TRAPPC9: variants seen among roughly 807,000 people sequenced by gnomAD.
The protein encoded by TRAPPC9 is trafficking protein particle complex subunit 9.
In TRAPPC9, 83 loss-of-function variants were observed where a neutral mutation model predicts 124.0. That is an observed-to-expected ratio of 0.67 (90% CI 0.56 to 0.80). TRAPPC9 has a LOEUF of 0.80. Ranked by LOEUF, TRAPPC9 falls within the 30% of genes least tolerant of loss-of-function variation. The pLI, the probability that TRAPPC9 is intolerant of heterozygous loss-of-function variation, is 0.00. For synonymous variants in TRAPPC9, 638 were observed against 617.5 expected, an observed-to-expected ratio of 1.03 and a Z score of -0.49; for missense variants, 1,302 against 1,508.3, an observed-to-expected ratio of 0.86 and a Z score of 2.27.
intron 7 of TRAPPC9, among the ~76,000 whole-genome samples, chr8:140,394,247 T>C (rs2069021958): frequency 6.6e-6 from 1 of 152,180 alleles, no homozygotes; most frequent in African/African-American, 2.4e-5. Flanking sequence ...AACCAAATTG[T>C]CTGCAATTCC....
chr8:140,207,104 G>A (rs893988037), intron 17 of TRAPPC9, among the ~76,000 whole-genome samples: 12 of 152,296 alleles, frequency 7.9e-5, no homozygotes, highest in East Asian at 5.8e-4. Context: ...CTCAGGAAGC[G>A]GAGCATTCCC....
At chr8:140,453,804 C>G (rs3115825) in intron 1 of TRAPPC9, among the ~76,000 whole-genome samples, 84,450 of 151,882 alleles carry the variant, frequency 0.56, 23,669 homozygotes, top group Non-Finnish European at 0.57. Context: ...GAACCAAAAT[C>G]ACATCACCTT....
At chr8:140,388,466 CT>C (rs1369991598) in intron 7 of TRAPPC9, among the ~76,000 whole-genome samples, 1 of 151,980 alleles carries the variant, frequency 6.6e-6, no homozygotes, top group African/African-American at 2.4e-5. Context: ...GGCGGATCAC[CT>C]GAAGTTGGGA....
intron 7 of TRAPPC9, among the ~76,000 whole-genome samples, chr8:140,378,015 G>A (rs1012509274): frequency 1.3e-5 from 2 of 152,192 alleles, no homozygotes; most frequent in African/African-American, 4.8e-5. Flanking sequence ...GGCAAAGGCA[G>A]TGTATTTGGG....
chr8:139,923,551 A>C (rs1249915622), intron 19 of TRAPPC9, among the ~76,000 whole-genome samples: 2 of 151,602 alleles, frequency 1.3e-5, no homozygotes, highest in Non-Finnish European at 2.9e-5. Context: ...CCCCACCTCC[A>C]CCTGGAAAAA....
intron 17 of TRAPPC9, among the ~76,000 whole-genome samples, chr8:140,062,995 A>G (rs1000817687): frequency 1.4e-4 from 21 of 146,738 alleles, no homozygotes. Context: ...GAAACTTACA[A>G]TCGTGGCAGA....
intron 12 of TRAPPC9, among the ~76,000 whole-genome samples, chr8:140,289,201 G>A (rs1224621415): frequency 7.0e-6 from 1 of 143,012 alleles, no homozygotes; most frequent in African/African-American, 2.6e-5. Flanking sequence ...GTGTGTGTGT[G>A]TGTGTGTGTG....
intron 21 of TRAPPC9, among the ~76,000 whole-genome samples, chr8:139,814,625 C>T (rs1824702921): frequency 6.6e-6 from 1 of 152,114 alleles, no homozygotes; most frequent in African/African-American, 2.4e-5. Flanking sequence ...TCCAGTTGTA[C>T]AGCCAATAAG....
At position 140,172,281 on chromosome 8, in the gene TRAPPC9, T is replaced by C. The variant is rs112572143; in HGVS notation, c.2556+49178A>G. Reference sequence around the variant, plus strand: ...GAAGAGATACAATTAAAAGCCAGGATGGTATCGGATTGAAAAAGGACCATG... The same window carrying C: ...GAAGAGATACAATTAAAAGCCAGGACGGTATCGGATTGAAAAAGGACCATG... On this transcript the variant is annotated intron_variant, in intron 17 of 22. Transcript: ENST00000438773. Among the ~76,000 whole-genome samples, 1,318 of 151,982 alleles carry C rather than the reference T, an allele frequency of 8.7e-3. 10 individuals are homozygous for C. Among genetic ancestry groups the C allele is most frequent in the Non-Finnish European group, 0.015 (1,026 of 67,982 alleles).
At chr8:139,816,603 C>T (rs1361340811) in intron 21 of TRAPPC9, among the ~76,000 whole-genome samples, 1 of 151,402 alleles carries the variant, frequency 6.6e-6, no homozygotes, top group Non-Finnish European at 1.5e-5. Context: ...CATCCCACGG[C>T]TCCTGAGTGT....
At chr8:139,881,399 G>T (rs1192532501) in intron 21 of TRAPPC9, 1 of 152,176 alleles carries the variant, frequency 6.6e-6, no homozygotes, top group Admixed American at 6.5e-5. Context: ...GGTTTGCTCA[G>T]CACTCATTTA....
chr8:140,389,878 A>AGAAAAT (rs1443726669), intron 7 of TRAPPC9, among the ~76,000 whole-genome samples: 1 of 152,124 alleles, frequency 6.6e-6, no homozygotes, highest in Non-Finnish European at 1.5e-5. Context: ...CAGTGTAAAA[A>AGAAAAT]GAAAATGAGA....
Position 140,022,663 on chromosome 8 carries a change from T to C in TRAPPC9, c.2699+1274A>G, listed in dbSNP as rs753763244. ...CAACAGGTTCATGATGGAGCAAATG[T>C]AATGCTCAGAAAGGGCCTGAAATAC... On this transcript the variant is annotated intron_variant, in intron 18 of 22. Coordinates refer to ENST00000438773, the MANE Select transcript of TRAPPC9 (RefSeq NM_001160372.4). Among the ~76,000 whole-genome samples, 174 of 152,186 alleles carry C rather than the reference T, an allele frequency of 1.1e-3. 4 individuals are homozygous for C. Among genetic ancestry groups the C allele is most frequent in the Non-Finnish European group, 3.2e-4 (22 of 68,034 alleles).
Position 139,729,771 on chromosome 8 carries a change from A to G in TRAPPC9, c.*1290T>C, listed in dbSNP as rs531676971. Among the ~76,000 whole-genome samples the G allele has an allele frequency of 6.6e-6, 1 of 152,130 alleles. No homozygotes were observed. The highest frequency in any genetic ancestry group is 2.4e-5 in the African/African-American group (1 of 41,506). On this transcript the variant is annotated 3_prime_UTR_variant, in exon 23 of 23. Transcript: ENST00000438773. ...TGCCAACATGACTCTGCCCCATGGG[A>G]GGCCAGGGCAGCCACTTCCTGGCTC... is the stretch of plus-strand genomic sequence containing the variant.
chr8:140,010,611 A>G (rs1408851397), intron 18 of TRAPPC9, among the ~76,000 whole-genome samples: 1 of 152,240 alleles, frequency 6.6e-6, no homozygotes, highest in Non-Finnish European at 1.5e-5. Flanking sequence ...CTCAAAACTA[A>G]GGAAATTAAA....
intron 17 of TRAPPC9, among the ~76,000 whole-genome samples, chr8:140,072,529 G>GAAAA (rs1563738754): frequency 7.9e-6 from 1 of 127,172 alleles, no homozygotes; most frequent in African/African-American, 3.3e-5. Context: ...AAAAAAAAAG[G>GAAAA]AGGAGGAGGA....
chr8:139,895,015 C>T (rs1830574426), intron 20 of TRAPPC9, among the ~76,000 whole-genome samples: 1 of 152,174 alleles, frequency 6.6e-6, no homozygotes, highest in Non-Finnish European at 1.5e-5. Flanking sequence ...GGACAGTTGC[C>T]ACTCTTACTC....
chr8:140,271,624 C>T (rs2064885402), intron 15 of TRAPPC9, among the ~76,000 whole-genome samples: 2 of 152,072 alleles, frequency 1.3e-5, no homozygotes, highest in Admixed American at 6.5e-5. Flanking sequence ...ATACGAGTGG[C>T]CAGAACATTG....
intron 21 of TRAPPC9, among the ~76,000 whole-genome samples, chr8:139,791,047 C>A (rs555915321): frequency 6.6e-6 from 1 of 152,142 alleles, no homozygotes; most frequent in Non-Finnish European, 1.5e-5. Flanking sequence ...TGCAGAACCA[C>A]GAGCCAATTC....
Sources: gnomAD v4.1 joint callset for allele counts (sites outside exome capture counted in the v4.1 genomes callset) on GRCh38, gnomAD v4.1.1 for gene constraint, MANE v1.5 for transcripts, NCBI Gene and HGNC (gene_info 2026-07-23, HGNC 2026-07-21) for gene names.